Variants in ALDH1A2 observed in about 807,000 individuals in gnomAD.
ALDH1A2 encodes aldehyde dehydrogenase 1 family member A2.
ALDH1A2 carries 27 observed loss-of-function variants against 60.3 expected under a neutral mutation model. The ratio of observed to expected loss-of-function variants is 0.45; its 90% CI spans 0.33 to 0.62. ALDH1A2 has a LOEUF of 0.62. ALDH1A2 is among the 20% of genes least tolerant of loss of function. ALDH1A2 has a pLI of 0.02. For missense variants in ALDH1A2, 581 were observed against 643.8 expected (o/e 0.90, Z 1.06); for synonymous variants, 289 against 232.4 (o/e 1.24, Z -2.21).
chr15:58,019,518 C>T (rs761052070), intron 1 of ALDH1A2, among the ~76,000 whole-genome samples: 1 of 152,144 alleles, frequency 6.6e-6, no homozygotes, highest in Non-Finnish European at 1.5e-5. Flanking sequence ...TCAGTTTCTT[C>T]ATTTGGAAAA....
intron 1 of ALDH1A2, among the ~76,000 whole-genome samples, chr15:58,021,401 G>C (rs1895922355): frequency 6.6e-6 from 1 of 152,184 alleles, no homozygotes; most frequent in Admixed American, 6.5e-5. Flanking sequence ...CATCCTCCCT[G>C]ACTGGGATCA....
intron 12 of ALDH1A2, among the ~76,000 whole-genome samples, chr15:57,955,604 C>G (rs926063882): frequency 1.3e-5 from 2 of 152,228 alleles, no homozygotes; most frequent in African/African-American, 4.8e-5. Context: ...CCAGAGGGCA[C>G]ACAGATGACC....
chr15:57,960,574 C>T (rs560892063), intron 12 of ALDH1A2, among the ~76,000 whole-genome samples, 196 bp downstream of exon 12: 26 of 152,286 alleles, frequency 1.7e-4, no homozygotes, highest in African/African-American at 6.3e-4. Context: ...TTTCCATTCT[C>T]ACTTTGGGAA....
At chr15:57,967,799 T>G (rs1566931474) in intron 7 of ALDH1A2, among the ~76,000 whole-genome samples, 1 of 152,178 alleles carries the variant, frequency 6.6e-6, no homozygotes, top group Non-Finnish European at 1.5e-5. Flanking sequence ...TCCCCCGCCC[T>G]TGCCATTTTG....
Position 58,033,682 on chromosome 15 carries a change from CTTTT to C in ALDH1A2, c.118-19405_118-19402del, listed in dbSNP as rs5812918. Among the ~76,000 whole-genome samples, 879 of 134,520 alleles carry C rather than the reference CTTTT, an allele frequency of 6.5e-3. 14 individuals are homozygous for C. Among genetic ancestry groups the C allele is most frequent in the African/African-American group, 0.022 (798 of 36,790 alleles). 88.3% of individuals were successfully genotyped at this position (134,520 alleles called of 152,430 possible). A position where few individuals can be genotyped will look rare whatever the true frequency, so the allele number is the denominator to read the frequency against. On this transcript the variant is annotated intron_variant, in intron 1 of 12. Transcript: ENST00000249750. ...AAGTTGTAAGTTCAGTGTTAGGACT[CTTTT>C]TTTTTTTTTTTTTACATGTGAATAT... is the stretch of plus-strand genomic sequence containing the variant.
chr15:57,961,325 T>A, intron 10 of ALDH1A2, 31 bp from the exon 11 acceptor site: 2 of 1,610,570 alleles, frequency 1.2e-6, no homozygotes, highest in Non-Finnish European at 1.7e-6. Flanking sequence ...TCAACATGGT[T>A]GCTCTGTCAT....
At chr15:57,989,551 A>G (rs559346249) in intron 7 of ALDH1A2, among the ~76,000 whole-genome samples, 17 of 152,330 alleles carry the variant, frequency 1.1e-4, no homozygotes, top group African/African-American at 3.6e-4. Context: ...GTACTAGTGA[A>G]AGAACAGAAA....
chr15:58,005,062 C>G (rs574489525), intron 4 of ALDH1A2, among the ~76,000 whole-genome samples: 1 of 151,966 alleles, frequency 6.6e-6, no homozygotes, highest in South Asian at 2.1e-4. Context: ...AAACTTGCAG[C>G]ATGGCTGACC....
At chr15:57,970,844 C>G (rs1009856207) in intron 7 of ALDH1A2, among the ~76,000 whole-genome samples, 6 of 152,174 alleles carry the variant, frequency 3.9e-5, no homozygotes, top group Non-Finnish European at 8.8e-5. Flanking sequence ...CTTCTTCCCT[C>G]TTCTCCTTTC....
chr15:58,060,463 CTTTTTTTTTTTTT>C (rs35187901), intron 1 of ALDH1A2, among the ~76,000 whole-genome samples: 1 of 87,510 alleles, frequency 1.1e-5, no homozygotes, highest in African/African-American at 4.3e-5. Context: ...CCACACATAT[CTTTTTTTTTTTTT>C]TTTTTTTTTT....
chr15:57,965,909 T>G, intron 7 of ALDH1A2, 82 bp from the exon 8 acceptor site: 2 of 1,057,228 alleles, frequency 1.9e-6, no homozygotes, highest in Non-Finnish European at 2.9e-6. Context: ...AGGGCATCAA[T>G]GGGATGCAAC....
chr15:58,016,359 G>GTC (rs1895790120), intron 1 of ALDH1A2, among the ~76,000 whole-genome samples: 2 of 151,986 alleles, frequency 1.3e-5, no homozygotes, highest in African/African-American at 4.8e-5. Context: ...GGCCAGGCTG[G>GTC]TCATGAACCC....
chr15:58,039,926 A>G (rs2140554671), intron 1 of ALDH1A2, among the ~76,000 whole-genome samples: 1 of 151,936 alleles, frequency 6.6e-6, no homozygotes, highest in South Asian at 2.1e-4. Flanking sequence ...TGTGCTAGGC[A>G]TTGGAAGATA....
chr15:57,977,937 G>A (rs944472647), intron 7 of ALDH1A2, among the ~76,000 whole-genome samples: 1 of 152,196 alleles, frequency 6.6e-6, no homozygotes, highest in East Asian at 1.9e-4. Flanking sequence ...TTATTCCTGA[G>A]TATTTTATTC....
chr15:58,013,824 G>A lies in ALDH1A2; in HGVS notation c.363+34C>T, dbSNP rs200477326. On this transcript the variant is annotated intron_variant, in intron 3 of 12. Coordinates refer to ENST00000249750, the MANE Select transcript of ALDH1A2 (RefSeq NM_003888.4). The stretch of plus-strand genomic sequence containing the variant: ...AAATTTCAGCAGAATGGCAAATGTG[G>A]GTTAAAGACTTAATGTTTTCTTAGG... 1.1e-4 allele frequency: 177 copies of A among 1,613,600 alleles called. 1 individual carries two copies. In the African/African-American group the frequency reaches 2.2e-3, roughly 20 times the overall value.
chr15:58,017,060 G>T (rs550641691), intron 1 of ALDH1A2, among the ~76,000 whole-genome samples: 1 of 152,270 alleles, frequency 6.6e-6, no homozygotes, highest in Admixed American at 6.5e-5. Context: ...AGGTAAAACT[G>T]ACCATAGAAG....
In ALDH1A2 at chr15:57,955,258, C is replaced by T; in HGVS notation, c.1496G>A (p.Gly499Asp). 1 of 1,614,054 alleles carries T rather than the reference C, an allele frequency of 6.2e-7. No homozygotes were observed. Among genetic ancestry groups the T allele is most frequent in the Admixed American group, 1.7e-5 (1 of 60,008 alleles). ...SGNGREMGEF[G>D]LREYSEVKTV... The stretch of plus-strand genomic sequence containing the variant: ...CTTAACTTCTGAGTACTCCCGCAAG[C>T]CAAATTCTCCCCTGAAACACAGAAA... Residue 499 changes from glycine to aspartate, a missense_variant, in exon 13 of 13, where the codon GGC becomes GAC. Physicochemically the swap from Gly to Asp is moderately conservative, Grantham distance 94. Coordinates refer to ENST00000249750, the MANE Select transcript of ALDH1A2 (RefSeq NM_003888.4).
chr15:58,064,932 G>C (rs1897135522), intron 1 of ALDH1A2, among the ~76,000 whole-genome samples: 1 of 152,180 alleles, frequency 6.6e-6, no homozygotes, highest in Non-Finnish European at 1.5e-5. Flanking sequence ...AAGTTTCCCA[G>C]GGAAACTGCC....
intron 1 of ALDH1A2, among the ~76,000 whole-genome samples, chr15:58,022,884 A>G (rs1254899698): frequency 6.6e-6 from 1 of 152,240 alleles, no homozygotes; most frequent in Non-Finnish European, 1.5e-5. Flanking sequence ...AGTAAATTCA[A>G]AAATAGGAAG....
Sources: allele counts gnomAD v4.1 joint callset (sites outside exome capture counted in the v4.1 genomes callset), GRCh38; gene constraint gnomAD v4.1.1; transcripts MANE v1.5; gene names NCBI Gene and HGNC (gene_info 2026-07-23, HGNC 2026-07-21).